Variants in SMARCB1 observed in about 807,000 individuals in gnomAD.
SMARCB1 encodes the protein SWI/SNF related BAF chromatin remodeling complex subunit B1, also known as SWI/SNF-related matrix-associated actin-dependent regulator of chromatin subfamily B member 1.
SMARCB1 carries 5 observed loss-of-function variants against 49.0 expected under a neutral mutation model. The ratio of observed to expected loss-of-function variants is 0.10; its 90% CI spans 0.05 to 0.21. SMARCB1 has a LOEUF of 0.21. Among genes scored for constraint, SMARCB1 ranks in the 10% least tolerant of loss-of-function variants. The pLI is 1.00. For missense variants in SMARCB1, 226 were observed against 509.2 expected (o/e 0.44, Z 5.35); for synonymous variants, 201 against 200.1 (o/e 1.00, Z -0.04).
Position 23,836,771 on chromosome 22 carries a change from G to C in SMARCB1, c.*2591G>C, listed in dbSNP as rs2031080218. ...TGTTTATTCAGGTGGGCCCTTGCAT[G>C]GGCCCAGCCTTTAGGATGGGTTTTT... On this transcript the variant is annotated 3_prime_UTR_variant, in exon 9 of 9. Transcript: ENST00000644036. 9 of 1,396,998 alleles carry C rather than the reference G, an allele frequency of 6.4e-6. No homozygotes were observed. The South Asian group carries it at 1.6e-4, about 25-fold the overall frequency. 86.5% of individuals were successfully genotyped at this position (1,396,998 alleles called of 1,614,324 possible).
At chr22:23,811,602 G>A (rs1929873813) in intron 5 of SMARCB1, among the ~76,000 whole-genome samples, 1 of 152,168 alleles carries the variant, frequency 6.6e-6, no homozygotes. Context: ...AATAATCTGT[G>A]GTTCAAAGAG....
chr22:23,814,377 G>A (rs939636292), intron 5 of SMARCB1, among the ~76,000 whole-genome samples: 2 of 152,202 alleles, frequency 1.3e-5, no homozygotes, highest in Non-Finnish European at 2.9e-5. Context: ...GACAATCATA[G>A]GCAAGTAGGC....
At position 23,836,948 on chromosome 22, in the gene SMARCB1, T is replaced by G; in HGVS notation, c.*2768T>G. The G allele has an allele frequency of 6.3e-7, 1 of 1,589,746 alleles. No individual in the cohort carries two copies. Among genetic ancestry groups the G allele is most frequent in the Non-Finnish European group, 8.6e-7 (1 of 1,168,918 alleles). On this transcript the variant is annotated 3_prime_UTR_variant, in exon 9 of 9. Coordinates refer to ENST00000644036, the MANE Select transcript of SMARCB1 (RefSeq NM_003073.5). ...GTAATTGGGGTCTTCTGCAGGGGCA[T>G]CCAGGAGCAGCTTTCTGTGGGGAGG...
intron 3 of SMARCB1, among the ~76,000 whole-genome samples, chr22:23,797,609 CTTTT>C (rs71184910): frequency 4.2e-3 from 154 of 36,252 alleles, no homozygotes; most frequent in African/African-American, 0.019. Flanking sequence ...TGCGCCTGGC[CTTTT>C]TTTTTTTTTT....
intron 5 of SMARCB1, among the ~76,000 whole-genome samples, chr22:23,813,223 A>T (rs1929986062): frequency 6.6e-6 from 1 of 152,246 alleles, no homozygotes; most frequent in South Asian, 2.1e-4. Context: ...GACCAGGAAC[A>T]AGCCAAATAT....
chr22:23,834,189 T>TCAG lies in SMARCB1; in HGVS notation c.*12_*14dup, dbSNP rs779825754. The TCAG allele has an allele frequency of 4.4e-6, 7 of 1,585,762 alleles. No individual in the cohort carries two copies. The South Asian group carries it at 8.1e-5, about 18-fold the overall frequency. On this transcript the variant is annotated 3_prime_UTR_variant, in exon 9 of 9. Transcript: ENST00000644036. ...CGGCCCCGGCCTGGTAACCAGCCCA[T>TCAG]CAGCACACGGCTCCCACGGAGCATC...
Position 23,835,597 on chromosome 22 carries a change from C to T in SMARCB1, c.*1417C>T. 1.0e-6 allele frequency: 1 copy of T among 985,502 alleles called. No individual in the cohort carries two copies. The highest frequency in any genetic ancestry group is 1.2e-6 in the Non-Finnish European group (1 of 829,944). The allele number at this position is 985,502 out of a possible 1,614,324, so 61.0% of individuals were successfully genotyped here. On this transcript the variant is annotated 3_prime_UTR_variant, in exon 9 of 9. Coordinates refer to ENST00000644036, the MANE Select transcript of SMARCB1 (RefSeq NM_003073.5). ...TGCCCTCCATCAAAGAGTGGAACTCCCCAGAGCCCCATGCACAGCAAGGGG... is the reference window on the plus strand; with the variant it reads ...TGCCCTCCATCAAAGAGTGGAACTCTCCAGAGCCCCATGCACAGCAAGGGG...
At chr22:23,812,070 G>GCAAAACA (rs1249593248) in intron 5 of SMARCB1, among the ~76,000 whole-genome samples, 2 of 152,122 alleles carry the variant, frequency 1.3e-5, no homozygotes, top group Non-Finnish European at 2.9e-5. Flanking sequence ...TTAATTTCTT[G>GCAAAACA]CAAAACACAA....
At chr22:23,796,428 C>A (rs1026228696) in intron 3 of SMARCB1, among the ~76,000 whole-genome samples, 4 of 152,096 alleles carry the variant, frequency 2.6e-5, no homozygotes, top group Non-Finnish European at 4.4e-5. Flanking sequence ...AAGATTGTAC[C>A]CATCTACCTT....
At chr22:23,806,751 C>A (rs1424161392) in intron 5 of SMARCB1, among the ~76,000 whole-genome samples, 1 of 151,784 alleles carries the variant, frequency 6.6e-6, no homozygotes, top group African/African-American at 2.4e-5. Context: ...GTGAAACCCC[C>A]TCTCTACTAA....
At chr22:23,800,702 C>T (rs974171578) in intron 3 of SMARCB1, among the ~76,000 whole-genome samples, 1 of 152,184 alleles carries the variant, frequency 6.6e-6, no homozygotes, top group Non-Finnish European at 1.5e-5. Context: ...GCTCATAGTG[C>T]AGTACACCAT....
At chr22:23,792,334 C>G (rs1317051636) in intron 2 of SMARCB1, 1 of 337,956 alleles carries the variant, frequency 3.0e-6, no homozygotes, top group East Asian at 7.7e-5. Context: ...GCACTTCATC[C>G]TGGCAGCCAG....
chr22:23,816,505 T>C, intron 5 of SMARCB1: 2 of 594,814 alleles, frequency 3.4e-6, no homozygotes, highest in East Asian at 2.8e-5. Context: ...CCCACCCAGC[T>C]ATGAGTGGAA....
At chr22:23,809,121 C>T (rs1258926382) in intron 5 of SMARCB1, among the ~76,000 whole-genome samples, 1 of 151,782 alleles carries the variant, frequency 6.6e-6, no homozygotes, top group Non-Finnish European at 1.5e-5. Context: ...ACGTGAGCCA[C>T]CGCGCCCAGC....
chr22:23,793,749 A>G (rs962647410), intron 3 of SMARCB1, 61 bp downstream of exon 3: 3 of 1,534,642 alleles, frequency 2.0e-6, no homozygotes, highest in Admixed American at 1.7e-5. Flanking sequence ...CTGAGACTCA[A>G]GAACTGGTTG....
intron 6 of SMARCB1, 95 bp from the exon 7 acceptor site, chr22:23,825,130 G>GGGCAGGGCCCACCCCAGGCCT: frequency 1.0e-6 from 1 of 970,362 alleles, no homozygotes; most frequent in South Asian, 1.3e-5. Context: ...GGACCCTGGT[G>GGGCAGGGCCCACCCCAGGCCT]GGCAGGGCCC....
At chr22:23,821,950 A>G (rs1257596635) in intron 6 of SMARCB1, among the ~76,000 whole-genome samples, 1 of 151,886 alleles carries the variant, frequency 6.6e-6, no homozygotes, top group East Asian at 1.9e-4. Context: ...CAACTCTTCC[A>G]CCTTGGCCTC....
Position 23,803,295 on chromosome 22 carries a change from C to T in SMARCB1, c.501C>T (p.Cys167=), listed in dbSNP as rs779221331. The T allele has an allele frequency of 3.1e-6, 5 of 1,614,186 alleles. No individual in the cohort carries two copies. The highest frequency in any genetic ancestry group is 4.2e-6 in the Non-Finnish European group (5 of 1,180,048). The change falls in exon 5 of 9, where the codon TGC becomes TGT. Residue 167 remains cysteine, a splice_region_variant and synonymous_variant. Transcript: ENST00000644036. ...ACTGTTGCTTCCATTTCACTTTCAG[C>T]TTTGATGACCATGACCCAGCTGTGA... ...GRDKKRTFPL[C]FDDHDPAVIH... is the part of the protein sequence containing the mutation.
In SMARCB1 at chr22:23,837,537, G is replaced by A. The variant is rs2070462; in HGVS notation, c.*3357G>A. On this transcript the variant is annotated 3_prime_UTR_variant, in exon 9 of 9. Transcript: ENST00000644036. ...ACAGCAGCTGGGAGGGCAGGAAGAT[G>A]GGGATGGAGCCAGGTGTGAGGAGAA... The A allele has an allele frequency of 5.8e-6, 6 of 1,037,972 alleles. No homozygotes were observed. The highest frequency in any genetic ancestry group is 8.3e-6 in the Non-Finnish European group (6 of 721,066). The allele number at this position is 1,037,972 out of a possible 1,614,324, so 64.3% of individuals were successfully genotyped here. A position where few individuals can be genotyped will look rare whatever the true frequency, so the allele number is the denominator to read the frequency against.
Sources: allele counts gnomAD v4.1 joint callset (sites outside exome capture counted in the v4.1 genomes callset), GRCh38; gene constraint gnomAD v4.1.1; transcripts MANE v1.5; gene names NCBI Gene and HGNC (gene_info 2026-07-23, HGNC 2026-07-21).